SAMD5: variants seen among roughly 807,000 people sequenced by gnomAD.
SAMD5 encodes the protein sterile alpha motif domain-containing protein 5.
A neutral mutation model predicts 11.3 loss-of-function variants in SAMD5; 13 were observed. That is an observed-to-expected ratio of 1.15 (90% CI 0.75 to 1.83). SAMD5 has a LOEUF of 1.83. Ranked by LOEUF, SAMD5 falls within the 40% of genes most tolerant of loss-of-function variation. The pLI is 0.00. For synonymous variants in SAMD5, 129 were observed against 111.3 expected, an observed-to-expected ratio of 1.16 and a Z score of -1.00; for missense variants, 255 against 239.1, an observed-to-expected ratio of 1.07 and a Z score of -0.44.
intron 1 of SAMD5, among the ~76,000 whole-genome samples, chr6:147,630,403 G>A (rs559223732): frequency 3.9e-5 from 6 of 152,288 alleles, no homozygotes; most frequent in East Asian, 1.9e-4. Context: ...AAGCCTGCAC[G>A]TATTTGTCCA....
intron 1 of SAMD5, among the ~76,000 whole-genome samples, chr6:147,563,712 G>A (rs1788990909): frequency 6.6e-6 from 1 of 152,206 alleles, no homozygotes; most frequent in African/African-American, 2.4e-5. Context: ...GATAATTAGT[G>A]TAATATAAAC....
At chr6:147,776,415 G>A in the SAMD5 span, among the ~76,000 whole-genome samples, 1 of 152,040 alleles carries the variant, frequency 6.6e-6, no homozygotes, top group African/African-American at 2.4e-5. Flanking sequence ...AGAAAAAATA[G>A]CAGAATTATG....
chr6:147,941,376 T>C, the SAMD5 span, among the ~76,000 whole-genome samples: 1 of 152,190 alleles, frequency 6.6e-6, no homozygotes, highest in African/African-American at 2.4e-5. Flanking sequence ...CTTTGGCAGA[T>C]TTCCCCTCTG....
At chr6:147,547,576 C>T (rs1305427391) in intron 1 of SAMD5, among the ~76,000 whole-genome samples, 3 of 152,360 alleles carry the variant, frequency 2.0e-5, no homozygotes, top group East Asian at 3.9e-4. Context: ...CTTTTAATTT[C>T]TCTGACTTAT....
the SAMD5 span, among the ~76,000 whole-genome samples, chr6:147,943,653 T>A: frequency 6.6e-6 from 1 of 152,096 alleles, no homozygotes; most frequent in East Asian, 1.9e-4. Context: ...CTCCTCTCCC[T>A]AACTCCTCTC....
At position 147,509,382 on chromosome 6, in the gene SAMD5, C is replaced by G. The variant is rs752146134; in HGVS notation, c.454C>G (p.Arg152Gly). 2.6e-6 allele frequency: 4 copies of G among 1,544,126 alleles called. No individual in the cohort carries two copies. The highest frequency in any genetic ancestry group is 3.5e-6 in the Non-Finnish European group (4 of 1,146,660). ...GIHLSKPPYS[R>G]KVPMAGILEY... is the part of the protein sequence containing the mutation. ...CCACCTGAGCAAGCCCCCGTACTCC[C>G]GCAAGGTAAGGAGGTGCCGTCCGGG... is the stretch of plus-strand genomic sequence containing the variant. Residue 152 changes from arginine (R) to glycine (G), a missense_variant, in exon 1 of 2, where the codon CGC (arginine) becomes GGC (glycine). Coordinates refer to ENST00000367474, the MANE Select transcript of SAMD5 (RefSeq NM_001030060.3).
the SAMD5 span, among the ~76,000 whole-genome samples, chr6:147,922,200 C>T: frequency 1.3e-5 from 2 of 152,160 alleles, no homozygotes; most frequent in Non-Finnish European, 2.9e-5. Context: ...CCAACATTGT[C>T]TCTTCATCTT....
the SAMD5 span, among the ~76,000 whole-genome samples, chr6:147,784,773 AT>A: frequency 4.7e-3 from 717 of 152,244 alleles, 3 homozygotes; most frequent in South Asian, 6.8e-3. Flanking sequence ...GAAAACTTTG[AT>A]TTTTTTCCCC....
chr6:147,797,641 T>G, the SAMD5 span, among the ~76,000 whole-genome samples: 1 of 139,544 alleles, frequency 7.2e-6, no homozygotes, highest in Non-Finnish European at 1.5e-5. Flanking sequence ...TCAGAAGGAA[T>G]GGTACCAGGT....
chr6:147,605,316 T>TCTACA (rs1789683758), intron 1 of SAMD5, among the ~76,000 whole-genome samples: 1 of 152,206 alleles, frequency 6.6e-6, no homozygotes, highest in African/African-American at 2.4e-5. Flanking sequence ...GGTCTCACTC[T>TCTACA]GTTGGCCAAG....
At chr6:147,519,763 T>G (rs967845964) in intron 1 of SAMD5, among the ~76,000 whole-genome samples, 2 of 152,210 alleles carry the variant, frequency 1.3e-5, no homozygotes, top group African/African-American at 4.8e-5. Flanking sequence ...CAATGCTTAT[T>G]AAAGGACACG....
rs572957298 is a variant in SAMD5 at position 147,619,071 on chromosome 6, G to A, written c.162+109684G>A. Among the ~76,000 whole-genome samples the A allele has an allele frequency of 7.9e-5, 12 of 152,320 alleles. No individual in the cohort carries two copies. In the East Asian group the frequency reaches 1.7e-3, roughly 22 times the overall value. ...CTCCCAAAGCTGTGTGATCACAGGC[G>A]TGAGCCGCAGCACCCGGCCTTTCCT... On this transcript the variant is annotated intron_variant, in intron 1 of 1. Coordinates refer to the SAMD5 transcript ENST00000566741.
rs397824807 is a variant in SAMD5 at position 147,710,821 on chromosome 6, C to CG, written c.163-26496_163-26495insG. The stretch of plus-strand genomic sequence containing the variant: ...ACTGGGGGTCTTGGAATGTATCCCC[C>CG]CTGGATAAGGGGGACTACTATACTT... On this transcript the variant is annotated intron_variant, in intron 1 of 1. Transcript: ENST00000566741. Among the ~76,000 whole-genome samples the CG allele has an allele frequency of 7.9e-5, 12 of 151,574 alleles. 1 individual carries two copies. The highest frequency in any genetic ancestry group is 2.9e-4 in the African/African-American group (12 of 41,216).
At chr6:147,775,005 A>G in the SAMD5 span, among the ~76,000 whole-genome samples, 489 of 152,228 alleles carry the variant, frequency 3.2e-3, 2 homozygotes, top group African/African-American at 0.011. Flanking sequence ...GTCCCTAAAC[A>G]AAGCCAGGAG....
chr6:147,665,253 A>G (rs1790701509), intron 1 of SAMD5, among the ~76,000 whole-genome samples: 1 of 152,114 alleles, frequency 6.6e-6, no homozygotes, highest in Non-Finnish European at 1.5e-5. Flanking sequence ...TTTCCTTTTC[A>G]TATATATCAG....
At chr6:147,702,675 G>T (rs2128457916) in intron 1 of SAMD5, among the ~76,000 whole-genome samples, 1 of 152,308 alleles carries the variant, frequency 6.6e-6, no homozygotes, top group South Asian at 2.1e-4. Context: ...CACAAGTTCA[G>T]TTGGGTGCAA....
chr6:147,861,872 G>A, the SAMD5 span, among the ~76,000 whole-genome samples: 2 of 152,140 alleles, frequency 1.3e-5, no homozygotes, highest in East Asian at 3.9e-4. Flanking sequence ...CTCTGTGACA[G>A]CAGCTGTTAT....
intron 1 of SAMD5, among the ~76,000 whole-genome samples, chr6:147,562,138 T>C (rs940031208): frequency 6.6e-6 from 1 of 152,204 alleles, no homozygotes; most frequent in African/African-American, 2.4e-5. Flanking sequence ...GTCCACACCG[T>C]TAGATGGGTT....
chr6:147,655,840 T>G (rs1790557253), intron 1 of SAMD5, among the ~76,000 whole-genome samples: 1 of 152,022 alleles, frequency 6.6e-6, no homozygotes, highest in Non-Finnish European at 1.5e-5. Flanking sequence ...ATCATATAGG[T>G]TTACAGAAAG....
Sources: allele counts gnomAD v4.1 joint callset (sites outside exome capture counted in the v4.1 genomes callset), GRCh38; gene constraint gnomAD v4.1.1; transcripts MANE v1.5; gene names NCBI Gene and HGNC (gene_info 2026-07-23, HGNC 2026-07-21).